HDAC9: variants seen among roughly 807,000 people sequenced by gnomAD.
HDAC9 encodes histone deacetylase 9.
Under a neutral mutation model 139.4 loss-of-function variants are expected in HDAC9, and 41 were observed. That is an observed-to-expected ratio of 0.29 (90% CI 0.23 to 0.38). The LOEUF (loss-of-function observed/expected upper bound fraction) is 0.38. Among genes scored for constraint, HDAC9 ranks in the 10% least tolerant of loss-of-function variants. The pLI is 1.00. For synonymous variants in HDAC9, 517 were observed against 476.2 expected, an observed-to-expected ratio of 1.09 and a Z score of -1.12; for missense variants, 1,147 against 1,297.0, an observed-to-expected ratio of 0.88 and a Z score of 1.78.
chr7:18,522,061 G>A (rs1805226504), intron 2 of HDAC9, among the ~76,000 whole-genome samples: 1 of 152,168 alleles, frequency 6.6e-6, no homozygotes, highest in Admixed American at 6.5e-5. Context: ...ACAGAAGACA[G>A]GATGTAAGTC....
At chr7:18,493,804 G>T (rs913610514), upstream of HDAC9, among the ~76,000 whole-genome samples, 5 of 151,394 alleles carry the variant, frequency 3.3e-5, no homozygotes, top group African/African-American at 1.2e-4. Context: ...TTCTTCAAAA[G>T]AAATCTCAAA....
intron 17 of HDAC9, among the ~76,000 whole-genome samples, chr7:18,796,469 A>G (rs555651443): frequency 3.9e-5 from 6 of 152,242 alleles, no homozygotes. Context: ...GCAGCAAACT[A>G]TATCAGCAAA....
intron 23 of HDAC9, among the ~76,000 whole-genome samples, chr7:18,939,929 A>G (rs1007250664): frequency 2.0e-5 from 3 of 152,216 alleles, no homozygotes; most frequent in Admixed American, 6.5e-5. Flanking sequence ...AGAAAGGTCA[A>G]GAGGGGCCTT....
chr7:18,706,313 C>G (rs979043133), intron 12 of HDAC9, among the ~76,000 whole-genome samples: 2 of 151,928 alleles, frequency 1.3e-5, no homozygotes, highest in African/African-American at 4.8e-5. Flanking sequence ...TGTAAGCACC[C>G]TGAGGTTAAA....
chr7:18,869,014 G>T (rs1022026353), intron 21 of HDAC9, among the ~76,000 whole-genome samples: 1 of 152,108 alleles, frequency 6.6e-6, no homozygotes, highest in African/African-American at 2.4e-5. Context: ...GCCTTTGAAT[G>T]TCCTTTATAA....
At chr7:18,129,285 A>G (rs985415942) in intron 1 of HDAC9, among the ~76,000 whole-genome samples, 7 of 152,136 alleles carry the variant, frequency 4.6e-5, no homozygotes, top group African/African-American at 1.7e-4. Flanking sequence ...TTATTTTTTC[A>G]TGTGCCTAGG....
At chr7:18,874,834 G>A (rs1563011757) in intron 22 of HDAC9, among the ~76,000 whole-genome samples, 1 of 152,134 alleles carries the variant, frequency 6.6e-6, no homozygotes, top group Non-Finnish European at 1.5e-5. Context: ...GAAATCGTAT[G>A]CTTTTCAGGA....
chr7:18,206,825 T>G (rs1791544597), intron 2 of HDAC9, among the ~76,000 whole-genome samples: 1 of 152,240 alleles, frequency 6.6e-6, no homozygotes, highest in South Asian at 2.1e-4. Context: ...TTAGTTTAAG[T>G]GTAGGAAGAG....
In HDAC9 at chr7:18,126,682, A is replaced by G. The variant is rs78341339; in HGVS notation, c.-96-35547A>G. 2.0e-3 allele frequency among the ~76,000 whole-genome samples: 312 copies of G among 152,220 alleles called. 5 individuals carry two copies. In the East Asian group the frequency reaches 0.035, roughly 17 times the overall value. On this transcript the variant is annotated intron_variant, in intron 1 of 12. Transcript: ENST00000417496. ...ATTACAGTTGGCTGGAGATTTTTCAATTTAGTTTATTGGCCACAGAAAGTC... is the reference window on the plus strand; with the variant it reads ...ATTACAGTTGGCTGGAGATTTTTCAGTTTAGTTTATTGGCCACAGAAAGTC...
At chr7:18,140,217 C>T (rs1395332428) in intron 1 of HDAC9, among the ~76,000 whole-genome samples, 3 of 152,106 alleles carry the variant, frequency 2.0e-5, no homozygotes, top group African/African-American at 7.2e-5. Context: ...GGGAAAGGAC[C>T]TTCTGATAGG....
chr7:18,171,657 G>A (rs371016129), intron 2 of HDAC9, among the ~76,000 whole-genome samples: 1 of 152,076 alleles, frequency 6.6e-6, no homozygotes, highest in African/African-American at 2.4e-5. Flanking sequence ...TAGCATGAAG[G>A]GCTGTTGAAT....
At chr7:18,823,632 T>C (rs940466830) in intron 17 of HDAC9, among the ~76,000 whole-genome samples, 2 of 152,128 alleles carry the variant, frequency 1.3e-5, no homozygotes, top group African/African-American at 2.4e-5. Flanking sequence ...GAGGAGATGA[T>C]AAGGATCACA....
intron 2 of HDAC9, among the ~76,000 whole-genome samples, chr7:18,177,369 T>C (rs1789003090): frequency 6.6e-6 from 1 of 152,202 alleles, no homozygotes; most frequent in Admixed American, 6.5e-5. Context: ...ATATAGTCAC[T>C]GCCCTGTATA....
At chr7:18,760,790 G>A (rs11764116) in intron 14 of HDAC9, among the ~76,000 whole-genome samples, 3 of 152,160 alleles carry the variant, frequency 2.0e-5, no homozygotes, top group Middle Eastern at 3.4e-3. Context: ...AGCACAGCTC[G>A]GCCTCCGGCC....
intron 2 of HDAC9, among the ~76,000 whole-genome samples, chr7:18,200,429 C>T (rs938191947): frequency 1.3e-5 from 2 of 152,154 alleles, no homozygotes; most frequent in African/African-American, 4.8e-5. Context: ...GCTGTATCTT[C>T]CAGTGAAAGC....
chr7:18,198,909 A>G (rs1250006793), intron 2 of HDAC9, among the ~76,000 whole-genome samples: 1 of 152,128 alleles, frequency 6.6e-6, no homozygotes, highest in African/African-American at 2.4e-5. Context: ...CCCCAGGATC[A>G]TGCGTTGTTT....
chr7:18,727,614 C>G lies in HDAC9; in HGVS notation c.1766C>G (p.Ser589Cys). ...FLEPTHTRAL[S>C]VRQAPLAAVG... Reference sequence around the variant, plus strand: ...GAACCCACGCACACACGTGCGCTCTCTGTGCGCCAAGCTCCGCTGGCTGCG... The same window carrying G: ...GAACCCACGCACACACGTGCGCTCTGTGTGCGCCAAGCTCCGCTGGCTGCG... The change falls in exon 13 of 26, where the codon TCT becomes TGT. Residue 589 changes from serine to cysteine, a missense_variant. Around this residue, in one of 7 missense-constraint regions of HDAC9, gnomAD observed 256 missense variants for 219.2 expected, o/e 1.17. Coordinates refer to ENST00000686413, the MANE Select transcript of HDAC9 (RefSeq NM_178425.4). 2 of 1,595,194 alleles carry G rather than the reference C, an allele frequency of 1.3e-6. No homozygotes were observed. Among genetic ancestry groups the G allele is most frequent in the South Asian group, 1.1e-5 (1 of 87,534 alleles).
At chr7:18,988,591 G>T (rs1295968291) in intron 25 of HDAC9, among the ~76,000 whole-genome samples, 1 of 152,162 alleles carries the variant, frequency 6.6e-6, no homozygotes, top group Non-Finnish European at 1.5e-5. Flanking sequence ...GCTTGGTGCA[G>T]AGCTGAGTTC....
chr7:18,975,977 A>C, intron 25 of HDAC9, 24 bp downstream of exon 25: 1 of 1,609,178 alleles, frequency 6.2e-7, no homozygotes, highest in South Asian at 1.1e-5. Context: ...GTGCGGGAAT[A>C]ATCCGGGTCA....
Sources: gnomAD v4.1 joint callset for allele counts (sites outside exome capture counted in the v4.1 genomes callset) on GRCh38, gnomAD v4.1.1 for gene constraint, gnomAD v4.1.1 regional missense constraint, MANE v1.5 for transcripts, NCBI Gene and HGNC (gene_info 2026-07-23, HGNC 2026-07-21) for gene names.